HPSE2: variants seen among roughly 807,000 people sequenced by gnomAD.
HPSE2 encodes heparanase 2 (inactive), also known as inactive heparanase-2.
HPSE2 carries 38 observed loss-of-function variants against 60.5 expected under a neutral mutation model. The ratio of observed to expected loss-of-function variants is 0.63; its 90% CI spans 0.48 to 0.82. The LOEUF is 0.82. HPSE2 is among the 40% of genes least tolerant of loss of function. The probability of loss-of-function intolerance (pLI) is 0.00; values close to 1 mark genes in which losing one functional copy is unlikely to be tolerated. For missense variants in HPSE2, 713 were observed against 740.4 expected (o/e 0.96, Z 0.43); for synonymous variants, 295 against 293.2 (o/e 1.01, Z -0.06).
intron 7 of HPSE2, among the ~76,000 whole-genome samples, chr10:98,635,296 G>T (rs181553097): frequency 4.6e-5 from 7 of 152,248 alleles, no homozygotes; most frequent in Admixed American, 2.6e-4. Flanking sequence ...TGTAAATTTG[G>T]ACATCCATTA....
At chr10:99,180,471 G>T (rs1847714826) in intron 2 of HPSE2, among the ~76,000 whole-genome samples, 1 of 152,112 alleles carries the variant, frequency 6.6e-6, no homozygotes, top group South Asian at 2.1e-4. Context: ...CTCAAAAGAA[G>T]ACATTTATGC....
intron 3 of HPSE2, among the ~76,000 whole-genome samples, chr10:98,952,314 TTGTGTGTGTGTGTGTGTG>T (rs59116303): frequency 8.0e-5 from 11 of 137,412 alleles, no homozygotes; most frequent in South Asian, 2.6e-4. Flanking sequence ...AAGAATTTGT[TTGTGTGTGTGTGTGTGTG>T]TGTGTGTGTG....
At chr10:98,717,575 T>C (rs1948822357) in intron 5 of HPSE2, among the ~76,000 whole-genome samples, 1 of 152,002 alleles carries the variant, frequency 6.6e-6, no homozygotes, top group Non-Finnish European at 1.5e-5. Context: ...TCTCAGGGAA[T>C]AGAAAAGCCT....
chr10:98,661,095 AG>A (rs150429457), intron 6 of HPSE2, among the ~76,000 whole-genome samples: 2 of 152,194 alleles, frequency 1.3e-5, no homozygotes, highest in Admixed American at 6.5e-5. Flanking sequence ...TGTTTGGCAT[AG>A]GATAACCTGC....
chr10:98,996,929 G>C (rs759912194), intron 3 of HPSE2, among the ~76,000 whole-genome samples: 6 of 152,062 alleles, frequency 3.9e-5, no homozygotes, highest in Non-Finnish European at 7.4e-5. Context: ...AAACGTACTG[G>C]GTGCTGATAG....
Position 98,458,830 on chromosome 10 carries a change from A to G in HPSE2, c.*744T>C, listed in dbSNP as rs926430570. 6.5e-6 allele frequency: 1 copy of G among 153,914 alleles called. No individual in the cohort carries two copies. The highest frequency in any genetic ancestry group is 1.4e-5 in the Non-Finnish European group (1 of 69,280). The allele number at this position is 153,914 out of a possible 1,614,324, so 9.5% of individuals were successfully genotyped here. On this transcript the variant is annotated 3_prime_UTR_variant, in exon 12 of 12. Coordinates refer to ENST00000370552, the MANE Select transcript of HPSE2 (RefSeq NM_021828.5). Reference sequence around the variant, plus strand: ...TCCACTCAATGAATATTGTTACTTGACTCCCATTACAACTCTGGGGGAATC... The same window carrying G: ...TCCACTCAATGAATATTGTTACTTGGCTCCCATTACAACTCTGGGGGAATC...
At chr10:99,239,152 T>A (rs930487932), upstream of HPSE2, among the ~76,000 whole-genome samples, 12 of 151,886 alleles carry the variant, frequency 7.9e-5, no homozygotes, top group Non-Finnish European at 1.5e-4. Flanking sequence ...AGAGCAAGAC[T>A]CTGTCTCAAA....
intron 4 of HPSE2, among the ~76,000 whole-genome samples, chr10:98,728,108 A>G (rs1347645128): frequency 2.6e-5 from 4 of 152,202 alleles, no homozygotes; most frequent in African/African-American, 9.7e-5. Flanking sequence ...AAATCACACA[A>G]AGAAATAAAA....
chr10:99,179,625 A>C (rs1225463907), intron 2 of HPSE2, among the ~76,000 whole-genome samples: 2 of 152,222 alleles, frequency 1.3e-5, no homozygotes, highest in East Asian at 3.8e-4. Context: ...AAACAAATGG[A>C]AAAACATTCC....
At chr10:98,907,164 G>A (rs756138489) in intron 3 of HPSE2, among the ~76,000 whole-genome samples, 22 of 152,106 alleles carry the variant, frequency 1.4e-4, no homozygotes, top group Non-Finnish European at 2.1e-4. Flanking sequence ...GTTAGAATCC[G>A]AGAAGATGAA....
chr10:98,602,755 G>GAAAA (rs1945464264), intron 9 of HPSE2, among the ~76,000 whole-genome samples: 1 of 152,056 alleles, frequency 6.6e-6, no homozygotes, highest in Non-Finnish European at 1.5e-5. Flanking sequence ...GTATCTACAT[G>GAAAA]CAAAAGAATG....
At chr10:98,739,913 C>G (rs1949454397) in intron 4 of HPSE2, among the ~76,000 whole-genome samples, 1 of 151,974 alleles carries the variant, frequency 6.6e-6, no homozygotes, top group African/African-American at 2.4e-5. Flanking sequence ...ACACCATTTC[C>G]CTGAAATGGA....
At chr10:98,923,152 T>A (rs1329292706) in intron 3 of HPSE2, among the ~76,000 whole-genome samples, 1 of 152,206 alleles carries the variant, frequency 6.6e-6, no homozygotes, top group Admixed American at 6.5e-5. Flanking sequence ...GCTTAAAGGA[T>A]ATTTTCTCAA....
At chr10:98,753,669 C>A (rs1053056902) in intron 3 of HPSE2, among the ~76,000 whole-genome samples, 2 of 152,146 alleles carry the variant, frequency 1.3e-5, no homozygotes, top group Admixed American at 1.3e-4. Context: ...AAGTGCTTAA[C>A]CTTGGGGGCC....
chr10:98,965,279 C>A (rs2135247844), intron 3 of HPSE2, among the ~76,000 whole-genome samples: 2 of 152,088 alleles, frequency 1.3e-5, no homozygotes, highest in Admixed American at 1.3e-4. Context: ...TAAGAAATAG[C>A]TCAGGAAAGT....
chr10:98,866,952 T>G (rs1952602698), intron 3 of HPSE2, among the ~76,000 whole-genome samples: 1 of 152,094 alleles, frequency 6.6e-6, no homozygotes, highest in Non-Finnish European at 1.5e-5. Flanking sequence ...TATAGAGTAC[T>G]GGAAATGGTA....
At chr10:99,109,685 C>G (rs1365435935) in intron 3 of HPSE2, among the ~76,000 whole-genome samples, 1 of 152,126 alleles carries the variant, frequency 6.6e-6, no homozygotes, top group Non-Finnish European at 1.5e-5. Flanking sequence ...TCAATGTGGG[C>G]CCTGTGTTTC....
chr10:98,618,291 T>C (rs1945975616), intron 8 of HPSE2, among the ~76,000 whole-genome samples: 1 of 152,220 alleles, frequency 6.6e-6, no homozygotes, highest in Non-Finnish European at 1.5e-5. Flanking sequence ...TCTATGGCTA[T>C]TTGGCTGATG....
intron 3 of HPSE2, among the ~76,000 whole-genome samples, chr10:98,767,866 T>C (rs1381129760): frequency 6.8e-6 from 1 of 146,974 alleles, no homozygotes; most frequent in African/African-American, 2.5e-5. Flanking sequence ...AGACATATGT[T>C]CTATATAAAC....
Sources: allele counts gnomAD v4.1 joint callset (sites outside exome capture counted in the v4.1 genomes callset), GRCh38; gene constraint gnomAD v4.1.1; transcripts MANE v1.5; gene names NCBI Gene and HGNC (gene_info 2026-07-23, HGNC 2026-07-21).